THOP1: variants seen among roughly 807,000 people sequenced by gnomAD.
THOP1 encodes the protein thimet oligopeptidase 1.
Under a neutral mutation model 71.8 loss-of-function variants are expected in THOP1, and 49 were observed. The ratio of observed to expected loss-of-function variants is 0.68; its 90% confidence interval spans 0.54 to 0.87. The LOEUF is 0.87. THOP1 is among the 40% of genes least tolerant of loss of function. The pLI is 0.00. For synonymous variants in THOP1, 426 were observed against 421.5 expected (o/e 1.01, Z -0.13); for missense variants, 843 against 975.6 (o/e 0.86, Z 1.81).
In THOP1 at chr19:2,799,860, C is replaced by T. The variant is rs1916105606; in HGVS notation, c.589+69C>T. ...ACTCAGTGCAGGCCTGCCAGGCCCT[C>T]GGGGGCCGCCGCTTCCTCCTGTGGG... On this transcript the variant is annotated intron_variant, in intron 5 of 12. Coordinates refer to ENST00000307741, the MANE Select transcript of THOP1 (RefSeq NM_003249.5). 21 of 1,387,422 alleles carry T rather than the reference C, an allele frequency of 1.5e-5. No homozygotes were observed. The East Asian group carries it at 2.5e-4, about 17-fold the overall frequency. The allele number at this position is 1,387,422 out of a possible 1,614,324, so 85.9% of individuals were successfully genotyped here.
chr19:2,790,856 G>A (rs993472914), intron 2 of THOP1, among the ~76,000 whole-genome samples: 12 of 152,250 alleles, frequency 7.9e-5, no homozygotes, highest in Non-Finnish European at 1.6e-4. Context: ...CACTAGAGGT[G>A]TAGGAGAGAG....
Position 2,813,457 on chromosome 19 carries a change from GCGT to G in THOP1, c.*183_*185del. 1 of 744,074 alleles carries G rather than the reference GCGT, an allele frequency of 1.3e-6. No homozygotes were observed. 46.1% of individuals were successfully genotyped at this position (744,074 alleles called of 1,614,324 possible). On this transcript the variant is annotated 3_prime_UTR_variant, in exon 13 of 13. Coordinates refer to ENST00000307741, the MANE Select transcript of THOP1 (RefSeq NM_003249.5). ...GTCGTGGCCCACCCGGCTAGAGACG[GCGT>G]CCTCAAGGCATCTGGAGGGCTTTCG... is the stretch of plus-strand genomic sequence containing the variant.
Position 2,808,444 on chromosome 19 carries a change from G to A in THOP1, c.1455G>A (p.Gln485=). The change falls in exon 9 of 13, where the codon CAG becomes CAA. Residue 485 remains glutamine (Q), a splice_region_variant and synonymous_variant. Transcript: ENST00000307741. The part of the protein sequence containing the change: ...FGHVMHQLCS[Q]AEFAMFSGTH... ...ACGTGATGCACCAGCTCTGCTCCCA[G>A]GTGGGTGCGGGCCCGGGCAGGGGCA... The A allele has an allele frequency of 6.2e-7, 1 of 1,600,654 alleles. No homozygotes were observed. Among genetic ancestry groups the A allele is most frequent in the Non-Finnish European group, 8.5e-7 (1 of 1,171,510 alleles).
At position 2,808,307 on chromosome 19, in the gene THOP1, A is replaced by G; in HGVS notation, c.1318A>G (p.Ser440Gly). The G allele has an allele frequency of 3.2e-6, 5 of 1,578,192 alleles. No homozygotes were observed. The highest frequency in any genetic ancestry group is 4.3e-6 in the Non-Finnish European group (5 of 1,162,772). The change falls in exon 9 of 13, where the codon AGC (serine) becomes GGC (glycine). Residue 440 changes from serine (S) to glycine (G), a missense_variant. Coordinates refer to ENST00000307741, the MANE Select transcript of THOP1 (RefSeq NM_003249.5). The part of the protein sequence containing the change: ...LQPGCLRQDG[S>G]RQIAIAAMVA... ...GCCCGGCTGCCTGCGGCAGGATGGG[A>G]GCCGCCAGATCGCCATCGCGGCCAT...
intron 1 of THOP1, 30 bp downstream of exon 1, chr19:2,785,708 G>A: frequency 1.3e-5 from 19 of 1,427,930 alleles, no homozygotes; most frequent in Non-Finnish European, 1.8e-5. Context: ...CCGGACCCGG[G>A]CGTCCCCTGC....
chr19:2,792,531 C>CT (rs1224801400), intron 2 of THOP1, among the ~76,000 whole-genome samples: 2 of 151,350 alleles, frequency 1.3e-5, no homozygotes, highest in Non-Finnish European at 2.9e-5. Context: ...ATACCGAGGC[C>CT]TGGGGACATT....
Position 2,806,902 on chromosome 19 carries a change from T to C in THOP1, c.751-15T>C, listed in dbSNP as rs1489367106. 7.4e-6 allele frequency: 12 copies of C among 1,612,508 alleles called. No homozygotes were observed. The highest frequency in any genetic ancestry group is 3.3e-5 in the Admixed American group (2 of 59,872). ...GTGGCGCCCCTGGGTGACAGTGTGG[T>C]GGTGTCGGTTGCAGGAGAACTGCGC... On this transcript the variant is annotated splice_polypyrimidine_tract_variant and intron_variant, in intron 6 of 12. Transcript: ENST00000307741.
intron 1 of THOP1, chr19:2,789,889 A>G (rs1331916018): frequency 1.3e-5 from 2 of 158,598 alleles, no homozygotes; most frequent in East Asian, 1.9e-4. Flanking sequence ...AGTAGCTGGG[A>G]TTACAGGCAT....
chr19:2,810,789 C>T (rs772391952), intron 11 of THOP1, 21 bp downstream of exon 11: 12 of 1,593,690 alleles, frequency 7.5e-6, no homozygotes, highest in African/African-American at 5.4e-5. Context: ...TTGAGCCGGG[C>T]ACACCCTGGA....
At chr19:2,812,553 G>A (rs1916504887) in intron 12 of THOP1, among the ~76,000 whole-genome samples, 1 of 152,218 alleles carries the variant, frequency 6.6e-6, no homozygotes, top group Non-Finnish European at 1.5e-5. Flanking sequence ...TCCCACCTCT[G>A]AGGACCGGCC....
rs1568325019 is a variant in THOP1, at chr19:2,807,645, G to A, written c.1090G>A (p.Val364Met). The change falls in exon 8 of 13, where the codon GTG (valine) becomes ATG (methionine). Residue 364 changes from valine to methionine, a missense_variant. Val to Met is a conservative substitution (Grantham distance 21). Transcript: ENST00000307741. ...GCTCAAGGAGTACTTCCCCGTGCAGGTGGTCACGCACGGGCTGCTGGGCAT... is the reference window on the plus strand; with the variant it reads ...GCTCAAGGAGTACTTCCCCGTGCAGATGGTCACGCACGGGCTGCTGGGCAT... ...NLLKEYFPVQVVTHGLLGIYQ... is the reference protein window; with the variant it reads ...NLLKEYFPVQMVTHGLLGIYQ... The A allele has an allele frequency of 6.2e-7, 1 of 1,610,740 alleles. No individual in the cohort carries two copies. The highest frequency in any genetic ancestry group is 8.5e-7 in the Non-Finnish European group (1 of 1,178,336).
rs773255245 is a variant in THOP1 at position 2,806,790 on chromosome 19, G to A, written c.751-127G>A. On this transcript the variant is annotated intron_variant, in intron 6 of 12. Coordinates refer to ENST00000307741, the MANE Select transcript of THOP1 (RefSeq NM_003249.5). ...GAGGAGTTGTGTAGTAACACAGGCC[G>A]AGAGGGGCAGGGACCGGAGGTCAGA... 1.4e-4 allele frequency: 208 copies of A among 1,517,394 alleles called. 1 individual carries two copies. The highest frequency in any genetic ancestry group is 4.0e-5 in the Non-Finnish European group (45 of 1,117,894). 94.0% of individuals were successfully genotyped at this position (1,517,394 alleles called of 1,614,324 possible).
chr19:2,794,285 G>A (rs192972724), intron 2 of THOP1, among the ~76,000 whole-genome samples: 1 of 152,094 alleles, frequency 6.6e-6, no homozygotes, highest in East Asian at 1.9e-4. Context: ...AAAGGGCTGG[G>A]ATTACAGGCT....
At position 2,813,082 on chromosome 19, in the gene THOP1, C is replaced by T. The variant is rs770679261; in HGVS notation, c.1909-33C>T. 11 of 1,581,974 alleles carry T rather than the reference C, an allele frequency of 7.0e-6. No homozygotes were observed. In the African/African-American group the frequency reaches 1.3e-4, roughly 19 times the overall value. ...GTCCTCTGCCTTCCTCCCTGGGTCCCCACCCGGCCACAGTGCCCTGTCTCC... is the reference window on the plus strand; with the variant it reads ...GTCCTCTGCCTTCCTCCCTGGGTCCTCACCCGGCCACAGTGCCCTGTCTCC... On this transcript the variant is annotated intron_variant, in intron 12 of 12. Transcript: ENST00000307741.
At chr19:2,792,547 T>C (rs1336046926) in intron 2 of THOP1, among the ~76,000 whole-genome samples, 1 of 151,904 alleles carries the variant, frequency 6.6e-6, no homozygotes, top group East Asian at 1.9e-4. Context: ...ACATTTCTGT[T>C]GACCCAGAAC....
chr19:2,811,285 G>A (rs569451860), intron 11 of THOP1, among the ~76,000 whole-genome samples: 216 of 152,330 alleles, frequency 1.4e-3, no homozygotes, highest in Non-Finnish European at 2.2e-3. Flanking sequence ...TTTCAGCAGC[G>A]TGGCCTGTGA....
chr19:2,813,090 C>T (rs1348239653), intron 12 of THOP1, 25 bp from the exon 13 acceptor site: 2 of 1,591,300 alleles, frequency 1.3e-6, no homozygotes, highest in Non-Finnish European at 1.7e-6. Context: ...CCCCACCCGG[C>T]CACAGTGCCC....
Position 2,807,263 on chromosome 19 carries a change from G to A in THOP1, c.887-179G>A, listed in dbSNP as rs368156511. Among the ~76,000 whole-genome samples the A allele has an allele frequency of 3.0e-4, 45 of 152,244 alleles. No individual in the cohort carries two copies. In the East Asian group the frequency reaches 8.3e-3, roughly 28 times the overall value. ...TGGGGTCAGTCCCATGCTTGCACCC[G>A]GCCCCGCCGCCCCCTCACCCTGAGC... On this transcript the variant is annotated intron_variant, in intron 7 of 12. Coordinates refer to ENST00000307741, the MANE Select transcript of THOP1 (RefSeq NM_003249.5).
intron 5 of THOP1, among the ~76,000 whole-genome samples, chr19:2,800,085 C>G (rs1450171062): frequency 6.6e-6 from 1 of 152,230 alleles, no homozygotes; most frequent in Non-Finnish European, 1.5e-5. Flanking sequence ...CCAGGCCGGA[C>G]GGGGTGGCCA....
Sources: gnomAD v4.1 joint callset for allele counts (sites outside exome capture counted in the v4.1 genomes callset) on GRCh38, gnomAD v4.1.1 for gene constraint, MANE v1.5 for transcripts, NCBI Gene and HGNC (gene_info 2026-07-23, HGNC 2026-07-21) for gene names.